Variants in PRKG1 observed in about 807,000 individuals in gnomAD.
The protein encoded by PRKG1 is cGMP-dependent protein kinase 1.
Under a neutral mutation model 88.1 loss-of-function variants are expected in PRKG1, and 35 were observed. The observed-to-expected ratio is 0.40, with a 90% CI of 0.30 to 0.53. The LOEUF is 0.53. Among genes scored for constraint, PRKG1 ranks in the 20% least tolerant of loss-of-function variants. The pLI is 0.59. For synonymous variants in PRKG1, 303 were observed against 292.5 expected (o/e 1.04, Z -0.37); for missense variants, 540 against 839.8 (o/e 0.64, Z 4.41).
rs530140718 is a variant in PRKG1, at chr10:52,193,942, G to T, written c.1076+31979G>T. On this transcript the variant is annotated intron_variant, in intron 9 of 17. Transcript: ENST00000373980. The stretch of plus-strand genomic sequence containing the variant: ...AAGATTTCTCTAAATCCCTTTATGT[G>T]CATTGAATAATTATTTTTCTATTTT... Among the ~76,000 whole-genome samples, 110 of 152,246 alleles carry T rather than the reference G, an allele frequency of 7.2e-4. 5 individuals carry two copies. In the South Asian group the frequency reaches 9.7e-3, roughly 13 times the overall value.
intron 4 of PRKG1, among the ~76,000 whole-genome samples, chr10:51,843,835 A>C (rs141538031): frequency 2.5e-3 from 386 of 152,258 alleles, no homozygotes; most frequent in Middle Eastern, 0.01. Flanking sequence ...CCATACCCCC[A>C]CACACACATT....
intron 2 of PRKG1, among the ~76,000 whole-genome samples, chr10:51,309,567 G>T (rs980654748): frequency 1.3e-5 from 2 of 152,104 alleles, no homozygotes; most frequent in African/African-American, 4.8e-5. Context: ...CAGTTAGGAT[G>T]GCTATTACTA....
Position 51,490,738 on chromosome 10 carries a change from G to A in PRKG1, c.592+22902G>A, listed in dbSNP as rs147271844. On this transcript the variant is annotated intron_variant, in intron 3 of 17. Coordinates refer to ENST00000373980, the MANE Select transcript of PRKG1 (RefSeq NM_006258.4). ...TTAATACAGGTGCAGAGAGATATGAGCTCTCACATATTCTTGGTGTGAATA... is the reference window on the plus strand; with the variant it reads ...TTAATACAGGTGCAGAGAGATATGAACTCTCACATATTCTTGGTGTGAATA... 4.4e-3 allele frequency among the ~76,000 whole-genome samples: 661 copies of A among 151,744 alleles called. 1 individual carries two copies. The highest frequency in any genetic ancestry group is 7.1e-3 in the Non-Finnish European group (483 of 67,942).
intron 5 of PRKG1, among the ~76,000 whole-genome samples, chr10:51,930,888 C>G (rs1022061745): frequency 3.9e-5 from 6 of 152,098 alleles, no homozygotes; most frequent in Non-Finnish European, 5.9e-5. Flanking sequence ...AATTTAATGA[C>G]CCTATTCTCT....
intron 2 of PRKG1, among the ~76,000 whole-genome samples, chr10:51,333,107 A>G (rs904256748): frequency 8.5e-5 from 13 of 152,286 alleles, no homozygotes; most frequent in South Asian, 6.2e-4. Flanking sequence ...ATTTTTAACT[A>G]CTTTCTCAAA....
chr10:51,853,756 T>C (rs1476766440), intron 4 of PRKG1, among the ~76,000 whole-genome samples: 1 of 152,164 alleles, frequency 6.6e-6, no homozygotes, highest in Non-Finnish European at 1.5e-5. Flanking sequence ...ATGTGTGGTC[T>C]GGGCATTGTT....
intron 5 of PRKG1, among the ~76,000 whole-genome samples, chr10:51,949,101 C>T (rs550429158): frequency 1.3e-5 from 2 of 152,296 alleles, no homozygotes; most frequent in South Asian, 4.1e-4. Flanking sequence ...TCAATATGGA[C>T]ATCTAAGACT....
intron 2 of PRKG1, among the ~76,000 whole-genome samples, chr10:51,216,182 C>T (rs1416028003): frequency 6.6e-6 from 1 of 152,136 alleles, no homozygotes; most frequent in Non-Finnish European, 1.5e-5. Context: ...AAACCCCATC[C>T]CCAAAGAATT....
At chr10:51,156,010 A>C (rs1031004392) in intron 2 of PRKG1, among the ~76,000 whole-genome samples, 1 of 151,930 alleles carries the variant, frequency 6.6e-6, no homozygotes, top group African/African-American at 2.4e-5. Context: ...GCACCCATAC[A>C]TATCTTCTTA....
At chr10:51,662,879 G>T (rs1840333701) in intron 3 of PRKG1, among the ~76,000 whole-genome samples, 1 of 151,990 alleles carries the variant, frequency 6.6e-6, no homozygotes. Flanking sequence ...AGTGTACTGG[G>T]GCAGTAAGTG....
intron 2 of PRKG1, among the ~76,000 whole-genome samples, chr10:51,340,283 A>G (rs532185646): frequency 6.6e-6 from 1 of 152,276 alleles, no homozygotes; most frequent in South Asian, 2.1e-4. Flanking sequence ...ACATGTTTAT[A>G]ACTCTAAACC....
At chr10:52,122,190 T>G (rs560691164) in intron 7 of PRKG1, among the ~76,000 whole-genome samples, 143 of 152,306 alleles carry the variant, frequency 9.4e-4, no homozygotes, top group African/African-American at 3.3e-3. Flanking sequence ...TGTGCACACG[T>G]GCAAGAGAGT....
chr10:52,050,264 A>G (rs1845959127), intron 5 of PRKG1, among the ~76,000 whole-genome samples: 1 of 152,092 alleles, frequency 6.6e-6, no homozygotes, highest in Non-Finnish European at 1.5e-5. Flanking sequence ...AAGAGGTTGG[A>G]TACTATGGCA....
chr10:51,728,453 GTTTTTT>G (rs56975031), intron 3 of PRKG1, among the ~76,000 whole-genome samples: 1 of 58,806 alleles, frequency 1.7e-5, no homozygotes. Context: ...TTTTTTCTTT[GTTTTTT>G]TTTTTTTTTT....
chr10:52,135,745 A>G (rs989916908), intron 8 of PRKG1, among the ~76,000 whole-genome samples: 1 of 152,096 alleles, frequency 6.6e-6, no homozygotes, highest in Non-Finnish European at 1.5e-5. Context: ...CGAACACTCA[A>G]GAATGGATGG....
chr10:52,290,796 C>G (rs1842221571), intron 17 of PRKG1, among the ~76,000 whole-genome samples: 2 of 151,934 alleles, frequency 1.3e-5, no homozygotes, highest in Admixed American at 6.6e-5. Context: ...TTTGAGCTTA[C>G]AGTGAGCTGT....
At chr10:52,101,550 A>G (rs11000783) in intron 7 of PRKG1, among the ~76,000 whole-genome samples, 2,738 of 152,302 alleles carry the variant, frequency 0.018, 83 homozygotes, top group African/African-American at 0.06. Flanking sequence ...ACTTAATAAC[A>G]ATAGTAATAT....
intron 2 of PRKG1, among the ~76,000 whole-genome samples, chr10:51,199,229 T>C (rs1050996432): frequency 4.6e-5 from 7 of 152,202 alleles, no homozygotes; most frequent in African/African-American, 1.7e-4. Flanking sequence ...ATAAATTCAA[T>C]AATTAGAATC....
intron 2 of PRKG1, among the ~76,000 whole-genome samples, chr10:51,290,564 A>G (rs1196238392): frequency 6.6e-6 from 1 of 152,206 alleles, no homozygotes; most frequent in African/African-American, 2.4e-5. Context: ...ATTCGTTTAA[A>G]TAATTGTATG....
Sources: allele counts gnomAD v4.1 joint callset (sites outside exome capture counted in the v4.1 genomes callset), GRCh38; gene constraint gnomAD v4.1.1; transcripts MANE v1.5; gene names NCBI Gene and HGNC (gene_info 2026-07-23, HGNC 2026-07-21).